KIAA1217: variants seen among roughly 807,000 people sequenced by gnomAD.
KIAA1217 encodes sickle tail protein homolog.
A neutral mutation model predicts 163.9 loss-of-function variants in KIAA1217; 88 were observed. The observed-to-expected ratio is 0.54, with a 90% confidence interval of 0.45 to 0.64. KIAA1217 has a LOEUF of 0.64. Ranked by LOEUF, KIAA1217 falls within the 30% of genes least tolerant of loss-of-function variation. The probability of loss-of-function intolerance (pLI) is 0.00; values close to 1 mark genes in which losing one functional copy is unlikely to be tolerated. For synonymous variants in KIAA1217, 903 were observed against 923.1 expected, an observed-to-expected ratio of 0.98 and a Z score of 0.39; for missense variants, 2,372 against 2,475.0, an observed-to-expected ratio of 0.96 and a Z score of 0.88.
At chr10:24,505,679 A>G (rs1592495916) in intron 9 of KIAA1217, among the ~76,000 whole-genome samples, 1 of 151,848 alleles carries the variant, frequency 6.6e-6, no homozygotes, top group Non-Finnish European at 1.5e-5. Flanking sequence ...TTCATCCCCA[A>G]TCTCTTTATT....
chr10:23,750,474 GT>G (rs1839676273), intron 1 of KIAA1217, among the ~76,000 whole-genome samples: 1 of 152,028 alleles, frequency 6.6e-6, no homozygotes, highest in African/African-American at 2.4e-5. Flanking sequence ...CCTCTTCACA[GT>G]TTGGCTTTTG....
intron 1 of KIAA1217, among the ~76,000 whole-genome samples, chr10:24,211,417 C>A (rs2068073951): frequency 7.7e-6 from 1 of 129,080 alleles, no homozygotes; most frequent in Non-Finnish European, 1.6e-5. Flanking sequence ...GTCACCCAGA[C>A]TGGAGTGCAG....
At chr10:23,858,250 A>T (rs113275164) in intron 1 of KIAA1217, among the ~76,000 whole-genome samples, 1 of 152,118 alleles carries the variant, frequency 6.6e-6, no homozygotes, top group Non-Finnish European at 1.5e-5. Flanking sequence ...GTGATTTTCA[A>T]TTTAGCCTGA....
At chr10:23,698,237 AAT>A (rs1464708023) in intron 1 of KIAA1217, among the ~76,000 whole-genome samples, 1 of 152,250 alleles carries the variant, frequency 6.6e-6, no homozygotes, top group Non-Finnish European at 1.5e-5. Flanking sequence ...ATAGGAAAAA[AAT>A]AGTATATTTT....
chr10:24,285,023 C>T (rs73604463), intron 2 of KIAA1217, among the ~76,000 whole-genome samples: 7,786 of 152,018 alleles, frequency 0.051, 315 homozygotes, highest in East Asian at 0.23. Flanking sequence ...GTTGGCCTTA[C>T]GTATGTATTC....
At chr10:23,826,642 G>A (rs1837913064) in intron 1 of KIAA1217, among the ~76,000 whole-genome samples, 1 of 152,156 alleles carries the variant, frequency 6.6e-6, no homozygotes, top group South Asian at 2.1e-4. Flanking sequence ...TCAAGTAGCG[G>A]ACGGCCAGGG....
intron 4 of KIAA1217, among the ~76,000 whole-genome samples, chr10:24,436,160 T>C (rs1260491381): frequency 6.6e-6 from 1 of 152,024 alleles, no homozygotes; most frequent in Admixed American, 6.6e-5. Flanking sequence ...TGCTCCCAGC[T>C]TGATAGCCTA....
intron 3 of KIAA1217, among the ~76,000 whole-genome samples, chr10:24,425,915 G>A (rs2059133645): frequency 6.6e-6 from 1 of 152,156 alleles, no homozygotes; most frequent in African/African-American, 2.4e-5. Flanking sequence ...TGCCAATGTT[G>A]TAGGTGTAAA....
chr10:24,218,550 G>A lies in KIAA1217; in HGVS notation c.71-1076G>A, dbSNP rs182380852. On this transcript the variant is annotated intron_variant, in intron 1 of 20. Transcript: ENST00000376454. ...GTCTCCCAGGCTGGAGTGCAGTGGC[G>A]TGATCTCGGCTCACTGCAAGCTCCG... Among the ~76,000 whole-genome samples, 351 of 151,222 alleles carry A rather than the reference G, an allele frequency of 2.3e-3. 1 individual carries two copies. Among genetic ancestry groups the A allele is most frequent in the African/African-American group, 7.1e-3 (293 of 41,156 alleles).
intron 2 of KIAA1217, among the ~76,000 whole-genome samples, chr10:24,252,518 T>C (rs1021383523): frequency 1.3e-5 from 2 of 152,092 alleles, no homozygotes; most frequent in South Asian, 4.1e-4. Flanking sequence ...AGGTTGAGCC[T>C]GAAATGAGCT....
chr10:24,435,903 C>A (rs1392745173), intron 4 of KIAA1217, among the ~76,000 whole-genome samples: 1 of 151,842 alleles, frequency 6.6e-6, no homozygotes, highest in Non-Finnish European at 1.5e-5. Context: ...CTCGGTCGCC[C>A]AGGTTGGAGT....
chr10:24,005,356 A>G (rs1846945501), intron 1 of KIAA1217, among the ~76,000 whole-genome samples: 1 of 152,118 alleles, frequency 6.6e-6, no homozygotes, highest in African/African-American at 2.4e-5. Flanking sequence ...ACCAGATTTG[A>G]CCCTAGAGGA....
chr10:24,182,644 A>G (rs370718921), intron 2 of KIAA1217, among the ~76,000 whole-genome samples: 2 of 152,182 alleles, frequency 1.3e-5, no homozygotes, highest in African/African-American at 4.8e-5. Context: ...AAGTTAATCT[A>G]TAAACACAAT....
intron 3 of KIAA1217, among the ~76,000 whole-genome samples, chr10:24,412,029 G>T (rs1283943141): frequency 1.3e-5 from 2 of 152,092 alleles, no homozygotes; most frequent in Non-Finnish European, 2.9e-5. Flanking sequence ...AACATCTGCA[G>T]AGGAACAGCC....
intron 3 of KIAA1217, among the ~76,000 whole-genome samples, chr10:24,392,638 C>T (rs1251646548): frequency 4.6e-5 from 7 of 152,184 alleles, no homozygotes. Context: ...AAAGTCATTT[C>T]TCCCACAGTG....
chr10:24,210,006 C>A (rs1487908008), intron 1 of KIAA1217, among the ~76,000 whole-genome samples: 2 of 152,096 alleles, frequency 1.3e-5, no homozygotes, highest in African/African-American at 2.4e-5. Flanking sequence ...GCATCTGATG[C>A]CTGTGATGCC....
intron 2 of KIAA1217, among the ~76,000 whole-genome samples, chr10:24,293,288 C>A (rs1341165104): frequency 6.6e-6 from 1 of 152,184 alleles, no homozygotes; most frequent in Non-Finnish European, 1.5e-5. Context: ...CCAGCCTGGT[C>A]TTGAACTCCT....
intron 1 of KIAA1217, among the ~76,000 whole-genome samples, chr10:23,907,478 G>C (rs899674043): frequency 1.3e-5 from 2 of 152,068 alleles, no homozygotes; most frequent in African/African-American, 4.8e-5. Context: ...AAAGCCAGTG[G>C]TATAATTCAG....
Position 23,860,407 on chromosome 10 carries a change from T to C in KIAA1217, c.-320-146818T>C, listed in dbSNP as rs74123141. On this transcript the variant is annotated intron_variant, in intron 1 of 18. Transcript: ENST00000376462. The stretch of plus-strand genomic sequence containing the variant: ...GTCTTCTGTGTAGTATGATTTCCAT[T>C]ATGTAACTCCCATCAGAGCTGACAA... Among the ~76,000 whole-genome samples the C allele has an allele frequency of 4.5e-3, 679 of 152,256 alleles. 4 individuals carry two copies. The highest frequency in any genetic ancestry group is 0.015 in the African/African-American group (636 of 41,524).
Sources: allele counts gnomAD v4.1 joint callset (sites outside exome capture counted in the v4.1 genomes callset), GRCh38; gene constraint gnomAD v4.1.1; transcripts MANE v1.5; gene names NCBI Gene and HGNC (gene_info 2026-07-23, HGNC 2026-07-21).